AKAP6: variants seen among roughly 807,000 people sequenced by gnomAD.
The protein encoded by AKAP6 is A-kinase anchor protein 6.
A neutral mutation model predicts 188.5 loss-of-function variants in AKAP6; 58 were observed. That is an observed-to-expected ratio of 0.31 (90% CI 0.25 to 0.38). The LOEUF (loss-of-function observed/expected upper bound fraction) is 0.38. Among genes scored for constraint, AKAP6 ranks in the 10% least tolerant of loss-of-function variants. The pLI is 1.00. For synonymous variants in AKAP6, 989 were observed against 998.6 expected, an observed-to-expected ratio of 0.99 and a Z score of 0.18; for missense variants, 2,710 against 2,740.0, an observed-to-expected ratio of 0.99 and a Z score of 0.24.
At chr14:32,554,831 A>T (rs1883623095) in intron 4 of AKAP6, among the ~76,000 whole-genome samples, 1 of 152,158 alleles carries the variant, frequency 6.6e-6, no homozygotes, top group South Asian at 2.1e-4. Context: ...GTCCTTTGGG[A>T]TATAGCGCAT....
At chr14:32,492,045 A>T (rs1880043843) in intron 2 of AKAP6, among the ~76,000 whole-genome samples, 1 of 151,542 alleles carries the variant, frequency 6.6e-6, no homozygotes, top group South Asian at 2.1e-4. Flanking sequence ...ACATCTCTTG[A>T]CTCTCTGCTC....
rs1275428118 is a variant in AKAP6 at position 32,837,666 on chromosome 14, A to T, written c.*7861A>T. The T allele has an allele frequency of 1.3e-5, 2 of 152,344 alleles. No individual in the cohort carries two copies. Among genetic ancestry groups the T allele is most frequent in the Non-Finnish European group, 1.5e-5 (1 of 68,042 alleles). The allele number at this position is 152,344 out of a possible 1,614,324, so 9.4% of individuals were successfully genotyped here. On this transcript the variant is annotated 3_prime_UTR_variant, in exon 14 of 14. Transcript: ENST00000280979. ...GTTGGTGGAATTTATCTTGTCATTA[A>T]AATGATGTGAAAATCAAATCATTCT...
intron 7 of AKAP6, among the ~76,000 whole-genome samples, chr14:32,653,997 G>A (rs1362199297): frequency 2.0e-5 from 3 of 152,080 alleles, no homozygotes; most frequent in Non-Finnish European, 2.9e-5. Flanking sequence ...GGCCATTTGG[G>A]TTCTTCTGCC....
chr14:32,790,790 C>A (rs908140378), intron 12 of AKAP6, among the ~76,000 whole-genome samples: 5 of 151,900 alleles, frequency 3.3e-5, no homozygotes, highest in African/African-American at 1.2e-4. Context: ...CCTGGCAGAC[C>A]CCGATATGTG....
At chr14:32,734,953 C>G (rs929263420) in intron 10 of AKAP6, among the ~76,000 whole-genome samples, 5 of 152,120 alleles carry the variant, frequency 3.3e-5, no homozygotes, top group African/African-American at 1.2e-4. Flanking sequence ...ACAACACTCT[C>G]CTGCCATAGT....
intron 1 of AKAP6, among the ~76,000 whole-genome samples, chr14:32,392,672 C>T (rs1888750386): frequency 6.6e-6 from 1 of 152,104 alleles, no homozygotes; most frequent in Admixed American, 6.6e-5. Flanking sequence ...CATCTTATTA[C>T]ACCAGAAACT....
intron 7 of AKAP6, among the ~76,000 whole-genome samples, chr14:32,603,303 G>A (rs537243623): frequency 2.0e-5 from 3 of 152,244 alleles, no homozygotes; most frequent in Non-Finnish European, 4.4e-5. Flanking sequence ...GGAGTATGCC[G>A]AAGTGGACTG....
intron 9 of AKAP6, among the ~76,000 whole-genome samples, chr14:32,711,817 C>T (rs561702019): frequency 1.3e-5 from 2 of 151,970 alleles, no homozygotes; most frequent in Admixed American, 6.6e-5. Context: ...GTGATAAAGC[C>T]CTGGAGAAGG....
chr14:32,795,435 T>C (rs1335204096), intron 12 of AKAP6, among the ~76,000 whole-genome samples: 1 of 152,160 alleles, frequency 6.6e-6, no homozygotes, highest in Non-Finnish European at 1.5e-5. Flanking sequence ...AAAAAGCTTA[T>C]CCACCACAAT....
chr14:32,786,296 A>ATGTTTTT lies in AKAP6; in HGVS notation c.3588+12404_3588+12405insGTTTTTT. On this transcript the variant is annotated intron_variant, in intron 12 of 13. Transcript: ENST00000280979. ...AGCCCTCTGAAAGACCTAAACCTTTATCTTTTTTTTTTTTTTTTTTTTTTT... is the reference window on the plus strand; with the variant it reads ...AGCCCTCTGAAAGACCTAAACCTTTATGTTTTTTCTTTTTTTTTTTTTTTTTTTTTTT... Among the ~76,000 whole-genome samples, 381 of 93,626 alleles carry ATGTTTTT rather than the reference A, an allele frequency of 4.1e-3. 68 individuals carry two copies. Among genetic ancestry groups the ATGTTTTT allele is most frequent in the Middle Eastern group, 7.1e-3 (1 of 140 alleles). 61.4% of individuals were successfully genotyped at this position (93,626 alleles called of 152,430 possible).
chr14:32,603,475 CAG>C (rs1886014464), intron 7 of AKAP6, among the ~76,000 whole-genome samples: 1 of 152,124 alleles, frequency 6.6e-6, no homozygotes, highest in Non-Finnish European at 1.5e-5. Flanking sequence ...AAAGTATTAT[CAG>C]AGGAGAAACA....
At chr14:32,530,095 T>C (rs1473080089) in intron 2 of AKAP6, among the ~76,000 whole-genome samples, 1 of 151,218 alleles carries the variant, frequency 6.6e-6, no homozygotes, top group African/African-American at 2.4e-5. Flanking sequence ...GGTACGATCA[T>C]GGCTCACTGC....
chr14:32,446,347 G>T (rs754152972), intron 2 of AKAP6, among the ~76,000 whole-genome samples: 1 of 152,024 alleles, frequency 6.6e-6, no homozygotes, highest in East Asian at 1.9e-4. Flanking sequence ...TAACGAGCTA[G>T]GTAAATAAAA....
chr14:32,527,112 A>T (rs1882170069), intron 2 of AKAP6, among the ~76,000 whole-genome samples: 1 of 152,184 alleles, frequency 6.6e-6, no homozygotes, highest in South Asian at 2.1e-4. Flanking sequence ...TTCTCTACTT[A>T]GTCTTCCCTC....
intron 1 of AKAP6, among the ~76,000 whole-genome samples, chr14:32,360,146 G>T (rs538556586): frequency 1.4e-3 from 202 of 147,248 alleles, no homozygotes; most frequent in African/African-American, 4.8e-3. Context: ...TTTTTTTTTC[G>T]AGACAGGGGC....
intron 1 of AKAP6, among the ~76,000 whole-genome samples, chr14:32,397,376 T>C (rs1170710512): frequency 6.9e-6 from 1 of 144,592 alleles, no homozygotes; most frequent in Non-Finnish European, 1.5e-5. Context: ...CTTTTTATTG[T>C]CTTTTTTTTT....
chr14:32,709,906 T>C (rs2139746887), intron 9 of AKAP6, among the ~76,000 whole-genome samples: 1 of 152,184 alleles, frequency 6.6e-6, no homozygotes, highest in South Asian at 2.1e-4. Context: ...TTTTAAGTCA[T>C]TTATTTCAGT....
chr14:32,824,834 C>A lies in AKAP6; in HGVS notation c.*42+19C>A. On this transcript the variant is annotated intron_variant, in intron 13 of 13. Transcript: ENST00000280979. ...CTGAAAGGTACGTATAGTCCTCATG[C>A]CGTATATGTATTTAAAATATTGAGT... The A allele has an allele frequency of 2.0e-6, 3 of 1,523,244 alleles. No individual in the cohort carries two copies. The highest frequency in any genetic ancestry group is 1.4e-5 in the African/African-American group (1 of 71,822). The allele number at this position is 1,523,244 out of a possible 1,614,324, so 94.4% of individuals were successfully genotyped here. A position where few individuals can be genotyped will look rare whatever the true frequency, so the allele number is the denominator to read the frequency against.
At chr14:32,455,579 C>T (rs1891122455) in intron 2 of AKAP6, among the ~76,000 whole-genome samples, 1 of 152,164 alleles carries the variant, frequency 6.6e-6, no homozygotes, top group African/African-American at 2.4e-5. Flanking sequence ...GCCAAATTGT[C>T]ATCAAGCATA....
Sources: allele counts gnomAD v4.1 joint callset (sites outside exome capture counted in the v4.1 genomes callset), GRCh38; gene constraint gnomAD v4.1.1; transcripts MANE v1.5; gene names NCBI Gene and HGNC (gene_info 2026-07-23, HGNC 2026-07-21).